Variants in PCDH19 observed in about 807,000 individuals in gnomAD.
PCDH19 encodes the protein protocadherin-19.
A neutral mutation model predicts 46.2 loss-of-function variants in PCDH19; 6 were observed. That is an observed-to-expected ratio of 0.13 (90% CI 0.07 to 0.26). The LOEUF is 0.26. Among genes scored for constraint, PCDH19 ranks in the 10% least tolerant of loss-of-function variants. The probability of loss-of-function intolerance (pLI) is 1.00; values close to 1 mark genes in which losing one functional copy is unlikely to be tolerated. For missense variants in PCDH19, 740 were observed against 972.3 expected, an observed-to-expected ratio of 0.76 and a Z score of 3.18; for synonymous variants, 481 against 415.7, an observed-to-expected ratio of 1.16 and a Z score of -1.91.
intron 3 of PCDH19, among the ~76,000 whole-genome samples, chrX:100,392,424 A>G (rs950343733): frequency 8.9e-6 from 1 of 112,069 alleles, no homozygotes; most frequent in Non-Finnish European, 1.9e-5. Context: ...CCAAAAAGCC[A>G]TAACTACCAT....
intron 3 of PCDH19, among the ~76,000 whole-genome samples, chrX:100,373,175 A>G (rs1250929696): frequency 1.8e-5 from 2 of 111,927 alleles, no homozygotes; most frequent in Non-Finnish European, 3.8e-5. Flanking sequence ...CGCCCAGCTA[A>G]TTTTTGTATT....
At chrX:100,378,252 T>C (rs1234409560) in intron 3 of PCDH19, among the ~76,000 whole-genome samples, 1 of 112,921 alleles carries the variant, frequency 8.9e-6, no homozygotes, top group Non-Finnish European at 1.9e-5. Context: ...AGTGTTTTGC[T>C]GGCATGGAAA....
intron 5 of PCDH19, among the ~76,000 whole-genome samples, chrX:100,323,307 T>C (rs1925578635): frequency 9.0e-6 from 1 of 111,556 alleles, no homozygotes; most frequent in Admixed American, 9.5e-5. Context: ...TTTACTGCTA[T>C]AATCTGCTGC....
rs184257082 is a variant in PCDH19, at chrX:100,305,590, A to G, written c.2849-8715T>C. Among the ~76,000 whole-genome samples, 532 of 112,061 alleles carry G rather than the reference A, an allele frequency of 4.7e-3. 4 individuals are homozygous for G. The highest frequency in any genetic ancestry group is 0.016 in the African/African-American group (503 of 30,910). On this transcript the variant is annotated intron_variant, in intron 5 of 5. Transcript: ENST00000373034. ...ATCTCAATACTAATGTTGAATGTAAATGGCCTAAATGCTCCACTTAAAAGA... is the reference window on the plus strand; with the variant it reads ...ATCTCAATACTAATGTTGAATGTAAGTGGCCTAAATGCTCCACTTAAAAGA...
chrX:100,347,484 G>A (rs760131262), intron 4 of PCDH19, among the ~76,000 whole-genome samples: 14 of 111,817 alleles, frequency 1.3e-4, no homozygotes, highest in Middle Eastern at 4.6e-3. Context: ...CCAAGCCTTT[G>A]TAAATGGTCC....
At chrX:100,302,274 G>A (rs1924805913) in intron 5 of PCDH19, among the ~76,000 whole-genome samples, 1 of 111,960 alleles carries the variant, frequency 8.9e-6, no homozygotes, top group Admixed American at 9.4e-5. Context: ...ATTTTCTTTA[G>A]TAGGAGAGGG....
At chrX:100,326,246 C>A (rs1925690658) in intron 5 of PCDH19, among the ~76,000 whole-genome samples, 1 of 111,714 alleles carries the variant, frequency 9.0e-6, no homozygotes, top group Non-Finnish European at 1.9e-5. Flanking sequence ...AAATTCCCAT[C>A]ATTTCTCAGA....
intron 3 of PCDH19, among the ~76,000 whole-genome samples, chrX:100,352,241 G>T (rs888101766): frequency 8.9e-5 from 10 of 112,290 alleles, no homozygotes. Flanking sequence ...TGCTGAAATT[G>T]TCACAAACAG....
At chrX:100,393,704 G>A (rs763613070) in intron 3 of PCDH19, among the ~76,000 whole-genome samples, 9 of 111,727 alleles carry the variant, frequency 8.1e-5, no homozygotes, top group Non-Finnish European at 1.7e-4. Context: ...GGCAGAGACC[G>A]CCAAGGCCAG....
chrX:100,342,743 G>A (rs888300064), intron 4 of PCDH19, among the ~76,000 whole-genome samples: 1 of 112,313 alleles, frequency 8.9e-6, no homozygotes, highest in Non-Finnish European at 1.9e-5. Flanking sequence ...TTGAAGTAGT[G>A]CAACTAAAAT....
At chrX:100,338,521 CAAA>C (rs67274603) in intron 5 of PCDH19, among the ~76,000 whole-genome samples, 7 of 57,675 alleles carry the variant, frequency 1.2e-4, no homozygotes, top group Non-Finnish European at 9.5e-5. Context: ...GACTCTGTCT[CAAA>C]AAAAAAAAAA....
intron 5 of PCDH19, among the ~76,000 whole-genome samples, chrX:100,298,639 C>CT (rs1182990983): frequency 9.0e-6 from 1 of 111,418 alleles, no homozygotes; most frequent in Non-Finnish European, 1.9e-5. Context: ...GCTGCATGGC[C>CT]ACTTCTGCAA....
At chrX:100,353,064 C>T (rs1926615408) in intron 3 of PCDH19, among the ~76,000 whole-genome samples, 1 of 111,852 alleles carries the variant, frequency 8.9e-6, no homozygotes, top group Non-Finnish European at 1.9e-5. Context: ...ATTTCAGCTG[C>T]ATTTATCAGA....
Position 100,406,707 on chromosome X carries a change from C to A in PCDH19, c.1891G>T (p.Gly631Trp), listed in dbSNP as rs750599959. ...NGEVRTTRTF[G>W]ESSKSSYELI... ...TCATAGGAGGACTTGGAGCTCTCCC[C>A]GAAGGTGCGGGTGGTTCTGACTTCG... is the stretch of plus-strand genomic sequence containing the variant. Residue 631 changes from glycine to tryptophan, a missense_variant, in exon 1 of 6, where the codon GGG (glycine) becomes TGG (tryptophan). Physicochemically the swap from Gly to Trp is radical, Grantham distance 184 (BLOSUM62 -2). Around this residue, in one of 5 missense-constraint regions of PCDH19, gnomAD observed 416 missense variants for 476.8 expected, o/e 0.87. Transcript: ENST00000373034. 2.5e-6 allele frequency: 3 copies of A among 1,211,685 alleles called. No individual in the cohort carries two copies. Among genetic ancestry groups the A allele is most frequent in the Non-Finnish European group, 3.4e-6 (3 of 895,489 alleles).
chrX:100,310,879 A>G (rs1405564467), intron 5 of PCDH19, among the ~76,000 whole-genome samples: 1 of 109,632 alleles, frequency 9.1e-6, no homozygotes, highest in Non-Finnish European at 1.9e-5. Flanking sequence ...TAGAGACAAG[A>G]TCTCACTCTT....
intron 5 of PCDH19, among the ~76,000 whole-genome samples, chrX:100,303,155 T>G (rs1924836919): frequency 9.0e-6 from 1 of 110,978 alleles, no homozygotes; most frequent in African/African-American, 3.3e-5. Flanking sequence ...ACATTTGCCA[T>G]AGACCTGCAA....
chrX:100,321,843 A>G (rs1170304403), intron 5 of PCDH19, among the ~76,000 whole-genome samples: 22 of 90,963 alleles, frequency 2.4e-4, no homozygotes, highest in African/African-American at 9.7e-4. Context: ...AGGCTGGAGT[A>G]CAGTGGCGCG....
At chrX:100,340,843 T>C (rs764835869) in intron 5 of PCDH19, among the ~76,000 whole-genome samples, 22 of 112,272 alleles carry the variant, frequency 2.0e-4, no homozygotes, top group Admixed American at 3.8e-4. Context: ...ATGTTTACAG[T>C]GAAATGAAAC....
Position 100,296,517 on chromosome X carries a change from G to A in PCDH19, c.3207C>T (p.Leu1069=). 1 of 1,211,098 alleles carries A rather than the reference G, an allele frequency of 8.3e-7. No individual in the cohort carries two copies. Among genetic ancestry groups the A allele is most frequent in the South Asian group, 1.8e-5 (1 of 56,913 alleles). The change falls in exon 6 of 6, where the codon CTC becomes CTT. Residue 1069 remains leucine, a synonymous_variant. Transcript: ENST00000373034. The part of the protein sequence containing the change: ...CEAISPVTSP[L]HLKSSLPTKP... ...TGGTGGGCAGAGAGCTCTTGAGGTGGAGGGGGGAGGTGACAGGGCTAATCG... is the reference window on the plus strand; with the variant it reads ...TGGTGGGCAGAGAGCTCTTGAGGTGAAGGGGGGAGGTGACAGGGCTAATCG...
Sources: gnomAD v4.1 joint callset for allele counts (sites outside exome capture counted in the v4.1 genomes callset) on GRCh38, gnomAD v4.1.1 for gene constraint, gnomAD v4.1.1 regional missense constraint, MANE v1.5 for transcripts, NCBI Gene and HGNC (gene_info 2026-07-23, HGNC 2026-07-21) for gene names.